Variants in SHISAL1 observed in about 807,000 individuals in gnomAD.
SHISAL1 encodes the protein protein shisa-like-1.
SHISAL1 carries 9 observed loss-of-function variants against 22.6 expected under a neutral mutation model. That is an observed-to-expected ratio of 0.40 (90% CI 0.24 to 0.70). The LOEUF (loss-of-function observed/expected upper bound fraction) is 0.70, where lower values mean the gene tolerates loss of function less well. SHISAL1 is among the 30% of genes least tolerant of loss of function. SHISAL1 has a pLI of 0.39. For synonymous variants in SHISAL1, 119 were observed against 115.4 expected (o/e 1.03, Z -0.20); for missense variants, 246 against 270.6 (o/e 0.91, Z 0.64).
At chr22:44,317,958 G>C in the SHISAL1 span, among the ~76,000 whole-genome samples, 2 of 152,254 alleles carry the variant, frequency 1.3e-5, no homozygotes, top group Non-Finnish European at 2.9e-5. Context: ...TGACCTTCCC[G>C]AGCTGGGCTC....
chr22:44,267,857 C>A (rs1218887444), intron 4 of SHISAL1, among the ~76,000 whole-genome samples: 4 of 152,352 alleles, frequency 2.6e-5, no homozygotes, highest in African/African-American at 9.6e-5. Context: ...CTACAGATCC[C>A]AGCTGCCCAG....
chr22:44,298,793 G>A (rs1006071367), intron 2 of SHISAL1, among the ~76,000 whole-genome samples: 1 of 152,212 alleles, frequency 6.6e-6, no homozygotes, highest in East Asian at 1.9e-4. Flanking sequence ...GCCCGGCGAG[G>A]TTGGGGGATG....
intron 4 of SHISAL1, among the ~76,000 whole-genome samples, chr22:44,284,269 A>G (rs937489896): frequency 6.6e-6 from 1 of 152,008 alleles, no homozygotes; most frequent in Non-Finnish European, 1.5e-5. Context: ...CTGAGGACCT[A>G]CTATGTGCCA....
chr22:44,314,800 T>C (rs1002556434), upstream of SHISAL1, among the ~76,000 whole-genome samples: 2 of 151,904 alleles, frequency 1.3e-5, no homozygotes, highest in Non-Finnish European at 2.9e-5. Context: ...AGTGGATGAA[T>C]AGGAAAATGC....
intron 4 of SHISAL1, among the ~76,000 whole-genome samples, chr22:44,260,610 G>T (rs2055115117): frequency 6.6e-6 from 1 of 152,224 alleles, no homozygotes; most frequent in Non-Finnish European, 1.5e-5. Context: ...TCCTTTACAA[G>T]CCATTCCCTT....
chr22:44,296,450 G>A (rs930830318), intron 3 of SHISAL1, among the ~76,000 whole-genome samples: 5 of 152,176 alleles, frequency 3.3e-5, no homozygotes, highest in Non-Finnish European at 5.9e-5. Flanking sequence ...GTGAGCTACC[G>A]CGCCTGGCCT....
chr22:44,289,876 T>C (rs9626143), intron 3 of SHISAL1, among the ~76,000 whole-genome samples: 21,132 of 152,260 alleles, frequency 0.14, 1,902 homozygotes, highest in Non-Finnish European at 0.2. Flanking sequence ...TGGCAGAAGA[T>C]AAAAAACCAA....
chr22:44,298,121 G>A (rs1285785579), intron 2 of SHISAL1, among the ~76,000 whole-genome samples: 2 of 152,208 alleles, frequency 1.3e-5, no homozygotes, highest in Non-Finnish European at 2.9e-5. Flanking sequence ...TGACCACTGC[G>A]AGAGAAAGGT....
At chr22:44,329,440 GACACACACAC>G in the SHISAL1 span, among the ~76,000 whole-genome samples, 1 of 144,980 alleles carries the variant, frequency 6.9e-6, no homozygotes, top group East Asian at 2.2e-4. Context: ...GCGAGAATGG[GACACACACAC>G]ACACACACAC....
At chr22:44,292,068 CA>C (rs1159834149) in intron 3 of SHISAL1, among the ~76,000 whole-genome samples, 1 of 152,206 alleles carries the variant, frequency 6.6e-6, no homozygotes, top group African/African-American at 2.4e-5. Flanking sequence ...CAGCCAGAAC[CA>C]AAACAAACCA....
rs201530112 is a variant in SHISAL1 at position 44,300,118 on chromosome 22, CAGAGACAG to C, written c.67+753_67+760del. Among the ~76,000 whole-genome samples, 552 of 142,858 alleles carry C rather than the reference CAGAGACAG, an allele frequency of 3.9e-3. 4 individuals are homozygous for C. The highest frequency in any genetic ancestry group is 0.015 in the African/African-American group (487 of 33,436). The allele number at this position is 142,858 out of a possible 152,430, so 93.7% of individuals were successfully genotyped here. ...AGACACAGAGAGACAGACAGAGAGA[CAGAGACAG>C]AGAGACAGAGAGACAGAAACAGAGA... is the stretch of plus-strand genomic sequence containing the variant. On this transcript the variant is annotated intron_variant, in intron 2 of 4. Transcript: ENST00000381176.
At chr22:44,289,856 G>A (rs2055341216) in intron 3 of SHISAL1, among the ~76,000 whole-genome samples, 1 of 152,244 alleles carries the variant, frequency 6.6e-6, no homozygotes, top group African/African-American at 2.4e-5. Context: ...GTGGGTGTGT[G>A]TTTTGTAAAT....
intron 4 of SHISAL1, among the ~76,000 whole-genome samples, chr22:44,267,599 T>C (rs1011513537): frequency 6.6e-6 from 1 of 152,166 alleles, no homozygotes; most frequent in African/African-American, 2.4e-5. Flanking sequence ...AGGGCACCCC[T>C]GTCCCTGGAC....
intron 4 of SHISAL1, among the ~76,000 whole-genome samples, chr22:44,274,178 G>A (rs1309135204): frequency 2.0e-5 from 3 of 151,836 alleles, no homozygotes; most frequent in South Asian, 2.1e-4. Context: ...CCTGGGAGGC[G>A]GAGGGAGGCT....
intron 4 of SHISAL1, among the ~76,000 whole-genome samples, chr22:44,282,134 C>A (rs1477163951): frequency 6.6e-6 from 1 of 152,230 alleles, no homozygotes; most frequent in Non-Finnish European, 1.5e-5. Flanking sequence ...CCACCAAACC[C>A]AAGGGGTTTC....
chr22:44,284,285 G>A (rs1413101177), intron 4 of SHISAL1, among the ~76,000 whole-genome samples: 1 of 152,110 alleles, frequency 6.6e-6, no homozygotes, highest in Non-Finnish European at 1.5e-5. Context: ...TGCCAGGTAG[G>A]TGCACAGTTA....
At chr22:44,252,953 G>A (rs963833086) in intron 4 of SHISAL1, among the ~76,000 whole-genome samples, 14 of 151,634 alleles carry the variant, frequency 9.2e-5, no homozygotes, top group African/African-American at 2.2e-4. Context: ...CCGAGATCAC[G>A]CCACTGCACT....
chr22:44,259,677 G>A (rs2147271720), intron 4 of SHISAL1, among the ~76,000 whole-genome samples: 1 of 152,186 alleles, frequency 6.6e-6, no homozygotes, highest in East Asian at 1.9e-4. Context: ...AGGACTTTGG[G>A]TTGCATTAAT....
chr22:44,274,049 G>GCCCCCCCCC (rs368725664), intron 4 of SHISAL1, among the ~76,000 whole-genome samples: 41 of 137,224 alleles, frequency 3.0e-4, no homozygotes, highest in African/African-American at 7.2e-4. Context: ...GAACCTCCCG[G>GCCCCCCCCC]CCCCCCCCTC....
Sources: allele counts gnomAD v4.1 joint callset (sites outside exome capture counted in the v4.1 genomes callset), GRCh38; gene constraint gnomAD v4.1.1; transcripts MANE v1.5; gene names NCBI Gene and HGNC (gene_info 2026-07-23, HGNC 2026-07-21).